The following KDM4B variants were observed in gnomAD, a reference collection of about 807,000 sequenced individuals.
The protein encoded by KDM4B is lysine demethylase 4B.
A neutral mutation model predicts 125.2 loss-of-function variants in KDM4B; 32 were observed. The ratio of observed to expected loss-of-function variants is 0.26; its 90% CI spans 0.19 to 0.34. The LOEUF is 0.34. Ranked by LOEUF, KDM4B falls within the 10% of genes least tolerant of loss-of-function variation. The probability of loss-of-function intolerance (pLI) is 1.00; values close to 1 mark genes in which losing one functional copy is unlikely to be tolerated. For synonymous variants in KDM4B, 721 were observed against 677.9 expected (o/e 1.06, Z -0.99); for missense variants, 1,190 against 1,577.7 (o/e 0.75, Z 4.16).
In KDM4B at chr19:5,138,176, C is replaced by T. The variant is rs998573238; in HGVS notation, c.2550+106C>T. On this transcript the variant is annotated intron_variant, in intron 18 of 22. Coordinates refer to ENST00000159111, the MANE Select transcript of KDM4B (RefSeq NM_015015.3). ...GAAGCGGTCTTTCCTCCAAGCTCTG[C>T]GTCTCCATGGGGGTGGTGGGCAGCT... 44 of 808,808 alleles carry T rather than the reference C, an allele frequency of 5.4e-5. No individual in the cohort carries two copies. The Middle Eastern group carries it at 1.0e-3, about 18-fold the overall frequency. The allele number at this position is 808,808 out of a possible 1,614,324, so 50.1% of individuals were successfully genotyped here. A position where few individuals can be genotyped will look rare whatever the true frequency, so the allele number is the denominator to read the frequency against.
chr19:5,030,822 C>T (rs1046598124), intron 2 of KDM4B, among the ~76,000 whole-genome samples: 1 of 152,266 alleles, frequency 6.6e-6, no homozygotes, highest in African/African-American at 2.4e-5. Flanking sequence ...CCGGGAAGTG[C>T]TGATGTGGGG....
intron 10 of KDM4B, 98 bp downstream of exon 10, chr19:5,110,916 C>T (rs868025747): frequency 1.5e-5 from 14 of 936,914 alleles, no homozygotes; most frequent in South Asian, 8.9e-5. Flanking sequence ...GGCTCCGGGC[C>T]GTGTCCCACT....
At chr19:5,134,368 C>T (rs1020966417) in intron 14 of KDM4B, among the ~76,000 whole-genome samples, 4 of 152,126 alleles carry the variant, frequency 2.6e-5, no homozygotes, top group East Asian at 1.9e-4. Flanking sequence ...TGAGATGGGC[C>T]GGGTGGTGTG....
rs201053394 is a variant in KDM4B, at chr19:5,019,900, G to T, written c.-26+3561G>T. On this transcript the variant is annotated intron_variant, in intron 2 of 22. Coordinates refer to ENST00000159111, the MANE Select transcript of KDM4B (RefSeq NM_015015.3). ...CAGGTGTTGGTGTGCAGGTGTTAGT[G>T]TGCAGGTGTTGGTGTGGATGTTGGT... Among the ~76,000 whole-genome samples the T allele has an allele frequency of 3.7e-4, 55 of 148,604 alleles. No homozygotes were observed. In the East Asian group the frequency reaches 0.01, roughly 28 times the overall value.
Position 4,984,418 on chromosome 19 carries a change from T to C in KDM4B, c.-109+15188T>C, listed in dbSNP as rs188835337. 2.0e-5 allele frequency among the ~76,000 whole-genome samples: 3 copies of C among 152,224 alleles called. No homozygotes were observed. In the East Asian group the frequency reaches 5.8e-4, roughly 29 times the overall value. ...TGATCATAAAGCAACTTGAAAATAATAGTTTTTGCGGCCTCTTTATTATAA... is the reference window on the plus strand; with the variant it reads ...TGATCATAAAGCAACTTGAAAATAACAGTTTTTGCGGCCTCTTTATTATAA... On this transcript the variant is annotated intron_variant, in intron 1 of 22. Transcript: ENST00000159111.
chr19:5,126,100 G>A (rs1239044908), intron 11 of KDM4B, among the ~76,000 whole-genome samples: 1 of 152,202 alleles, frequency 6.6e-6, no homozygotes, highest in East Asian at 1.9e-4. Context: ...TGGGGTGTGG[G>A]GTTTTGTGTT....
At position 5,151,855 on chromosome 19, in the gene KDM4B, G is replaced by A; in HGVS notation, c.*344G>A. ...TTCTGTACATAAACCACCTTTGTGA[G>A]GCTCTTTCTATAAATACATATTGTT... is the stretch of plus-strand genomic sequence containing the variant. On this transcript the variant is annotated 3_prime_UTR_variant, in exon 23 of 23. Transcript: ENST00000159111. The A allele has an allele frequency of 3.8e-6, 1 of 260,934 alleles. No homozygotes were observed. The highest frequency in any genetic ancestry group is 7.2e-6 in the Non-Finnish European group (1 of 138,692). The allele number at this position is 260,934 out of a possible 1,614,324, so 16.2% of individuals were successfully genotyped here.
intron 2 of KDM4B, among the ~76,000 whole-genome samples, chr19:5,018,916 C>G (rs185457909): frequency 6.6e-6 from 1 of 152,218 alleles, no homozygotes; most frequent in South Asian, 2.1e-4. Context: ...ATGGCTGAGT[C>G]GCGTTCTGCT....
intron 7 of KDM4B, among the ~76,000 whole-genome samples, chr19:5,073,830 ACT>A (rs774749814): frequency 6.6e-6 from 1 of 151,556 alleles, no homozygotes; most frequent in African/African-American, 2.4e-5. Context: ...GAAAGTATGG[ACT>A]CTGGCCAGGT....
rs1217675538 is a variant in KDM4B at position 4,982,384 on chromosome 19, G to A, written c.-109+13154G>A. Among the ~76,000 whole-genome samples the A allele has an allele frequency of 4.7e-5, 7 of 149,358 alleles. No individual in the cohort carries two copies. In the South Asian group the frequency reaches 8.6e-4, roughly 18 times the overall value. ...TAAGAATCTCTTGAACCTGAGAGGC[G>A]GAGGTTGCAGTGAGCCAAGATCGCA... On this transcript the variant is annotated intron_variant, in intron 1 of 22. Coordinates refer to ENST00000159111, the MANE Select transcript of KDM4B (RefSeq NM_015015.3).
chr19:5,082,334 C>T lies in KDM4B; in HGVS notation c.781-33C>T. 3 of 1,612,324 alleles carry T rather than the reference C, an allele frequency of 1.9e-6. No homozygotes were observed. Among genetic ancestry groups the T allele is most frequent in the East Asian group, 2.2e-5 (1 of 44,826 alleles). On this transcript the variant is annotated intron_variant, in intron 8 of 22. Transcript: ENST00000159111. The surrounding 1 kb of genome is among the most constrained non-coding windows in gnomAD (Gnocchi z 5.4). ...CCATCCCCTGGTGCGCCTCTGGTGG[C>T]CCTGCCCTCACCTGTCTCCTTTCCC...
In KDM4B at chr19:5,133,896, C is replaced by T. The variant is rs143986824; in HGVS notation, c.1920C>T (p.Phe640=). ...EASSDEEASP[F]SGEEDVSDPD... is the part of the protein sequence containing the mutation. ...CTGTTCTTCTAGAGGCATCCCCTTT[C>T]TCCGGGGAGGAAGATGTGAGTGACC... The change falls in exon 14 of 23, where the codon TTC becomes TTT. Residue 640 remains phenylalanine, a synonymous_variant. Coordinates refer to ENST00000159111, the MANE Select transcript of KDM4B (RefSeq NM_015015.3). The T allele has an allele frequency of 6.8e-6, 11 of 1,613,044 alleles. No individual in the cohort carries two copies. The highest frequency in any genetic ancestry group is 9.3e-6 in the Non-Finnish European group (11 of 1,179,882).
chr19:5,044,188 G>A (rs1473720596), intron 5 of KDM4B, among the ~76,000 whole-genome samples: 6 of 64,118 alleles, frequency 9.4e-5, no homozygotes, highest in Admixed American at 3.1e-4. Context: ...CTTATCCCAC[G>A]CGGTGTTTAT....
chr19:5,046,238 G>A (rs1179843663), intron 5 of KDM4B, among the ~76,000 whole-genome samples: 1 of 152,250 alleles, frequency 6.6e-6, no homozygotes, highest in African/African-American at 2.4e-5. Flanking sequence ...TCCTTGCCAT[G>A]TGTTTGCCAT....
At position 5,131,563 on chromosome 19, in the gene KDM4B, A is replaced by AGGAGGG. The variant is rs1216144251; in HGVS notation, c.1785+20_1785+21insAGGGGG. 7.9e-6 allele frequency: 1 copy of AGGAGGG among 126,460 alleles called. No homozygotes were observed. Among genetic ancestry groups the AGGAGGG allele is most frequent in the Non-Finnish European group, 1.3e-5 (1 of 74,412 alleles). 7.8% of individuals were successfully genotyped at this position (126,460 alleles called of 1,614,324 possible). A position where few individuals can be genotyped will look rare whatever the true frequency, so the allele number is the denominator to read the frequency against. On this transcript the variant is annotated intron_variant, in intron 12 of 22. Transcript: ENST00000159111. ...AGGGGCAGGTGGGGTGGAGCGGGGG[A>AGGAGGG]GGCAGGGAGGAGGGGGGCAGGTGGG...
chr19:4,981,336 C>G lies in KDM4B; in HGVS notation c.-109+12106C>G, dbSNP rs552010264. 2.0e-5 allele frequency among the ~76,000 whole-genome samples: 3 copies of G among 152,252 alleles called. No individual in the cohort carries two copies. In the East Asian group the frequency reaches 5.8e-4, roughly 29 times the overall value. The stretch of plus-strand genomic sequence containing the variant: ...CCCTCGTCCTGTTTTTGGTGTCACC[C>G]CGCTGTCTGGTTAGCTGTGCCGGCC... On this transcript the variant is annotated intron_variant, in intron 1 of 22. Coordinates refer to ENST00000159111, the MANE Select transcript of KDM4B (RefSeq NM_015015.3).
intron 6 of KDM4B, among the ~76,000 whole-genome samples, chr19:5,070,276 C>G (rs575494407): frequency 6.6e-6 from 1 of 152,278 alleles, no homozygotes; most frequent in Non-Finnish European, 1.5e-5. Flanking sequence ...CTCGCTCCCC[C>G]TCAAGGCTGC....
At chr19:5,096,801 TCCCGCGGTGCCC>T (rs1224583660) in intron 9 of KDM4B, among the ~76,000 whole-genome samples, 1 of 151,350 alleles carries the variant, frequency 6.6e-6, no homozygotes, top group Non-Finnish European at 1.5e-5. Flanking sequence ...GGAGGAGGTG[TCCCGCGGTGCCC>T]CCGGCGGTGT....
chr19:5,040,063 G>A, intron 4 of KDM4B, 52 bp downstream of exon 4: 6 of 1,535,634 alleles, frequency 3.9e-6, no homozygotes, highest in Non-Finnish European at 5.3e-6. Flanking sequence ...GGGCACACCT[G>A]CTCATGGGGG....
Sources: gnomAD v4.1 joint callset for allele counts (sites outside exome capture counted in the v4.1 genomes callset) on GRCh38, gnomAD v4.1.1 for gene constraint, Gnocchi (gnomAD v3.1) non-coding constraint, MANE v1.5 for transcripts, NCBI Gene and HGNC (gene_info 2026-07-23, HGNC 2026-07-21) for gene names.